The following RTEL1 variants were observed in gnomAD, a reference collection of about 807,000 sequenced individuals.
The protein encoded by RTEL1 is regulator of telomere length.
Under a neutral mutation model 162.2 loss-of-function variants are expected in RTEL1, and 86 were observed. The observed-to-expected ratio is 0.53, with a 90% CI of 0.45 to 0.63. RTEL1 has a LOEUF of 0.63. RTEL1 is among the 30% of genes least tolerant of loss of function. The pLI, the probability that RTEL1 is intolerant of heterozygous loss-of-function variation, is 0.00. For synonymous variants in RTEL1, 958 were observed against 717.9 expected (o/e 1.33, Z -5.35); for missense variants, 1,941 against 1,750.2 (o/e 1.11, Z -1.95).
chr20:63,661,730 A>ATCTGGGGTG lies in RTEL1; in HGVS notation c.302-117_302-109dup. 1 of 974,190 alleles carries ATCTGGGGTG rather than the reference A, an allele frequency of 1.0e-6. No individual in the cohort carries two copies. Among genetic ancestry groups the ATCTGGGGTG allele is most frequent in the South Asian group, 1.4e-5 (1 of 69,938 alleles). The allele number at this position is 974,190 out of a possible 1,614,324, so 60.3% of individuals were successfully genotyped here. ...CTTCACCCATTTTTGATAAACCAGT[A>ATCTGGGGTG]TCTGGGGTGTCAGATTCTTGGCTGT... On this transcript the variant is annotated intron_variant, in intron 3 of 34. Transcript: ENST00000360203. The surrounding 1 kb of genome is among the most constrained non-coding windows in gnomAD (Gnocchi z 5.1).
chr20:63,678,601 T>TCCCACGAACAGCACACACACC (rs2090408215), intron 12 of RTEL1, among the ~76,000 whole-genome samples: 1 of 84,050 alleles, frequency 1.2e-5, no homozygotes, highest in African/African-American at 4.9e-5. Flanking sequence ...GCACACACAC[T>TCCCACGAACAGCACACACACC]CCCACGAACA....
chr20:63,694,407 A>C lies in RTEL1; in HGVS notation c.3028A>C (p.Thr1010Pro), dbSNP rs2145470968. The C allele has an allele frequency of 6.2e-7, 1 of 1,611,676 alleles. No individual in the cohort carries two copies. Among genetic ancestry groups the C allele is most frequent in the Non-Finnish European group, 8.5e-7 (1 of 1,179,530 alleles). The stretch of plus-strand genomic sequence containing the variant: ...GCCGGATCCCAAGCTGACCGTGTCC[A>C]CGGCTGCAGCCCAGCAGCTGGACCC... ...TAPDPKLTVS[T>P]AAAQQLDPQE... The change falls in exon 31 of 35, where the codon ACG (threonine) becomes CCG (proline). Residue 1010 changes from threonine (T) to proline (P), a missense_variant. Coordinates refer to ENST00000360203, the MANE Select transcript of RTEL1 (RefSeq NM_001283009.2).
At chr20:63,678,119 G>C in intron 10 of RTEL1, 26 bp from the exon 11 acceptor site, 1 of 1,614,116 alleles carries the variant, frequency 6.2e-7, no homozygotes, top group Non-Finnish European at 8.5e-7. Flanking sequence ...GATGCAGACT[G>C]CCTTTGCTGC....
chr20:63,694,686 G>C, intron 31 of RTEL1, 55 bp from the exon 32 acceptor site: 1 of 1,448,754 alleles, frequency 6.9e-7, no homozygotes, highest in Non-Finnish European at 9.3e-7. Flanking sequence ...CAGGGCGGTG[G>C]GACTCTCAGT....
rs979303111 is a variant in RTEL1, at chr20:63,692,807, G to A, written c.2655G>A (p.Glu885=). The A allele has an allele frequency of 2.5e-6, 4 of 1,609,774 alleles. No individual in the cohort carries two copies. The highest frequency in any genetic ancestry group is 2.5e-6 in the Non-Finnish European group (3 of 1,177,862). ...RKKIRLVSHP[E]EPVAGAQTDR... ...AGCCTCGGGCCTGTGTCCTGCAGGA[G>A]GAGCCCGTGGCTGGTGCACAGACGG... The change falls in exon 29 of 35, where the codon GAG becomes GAA. Residue 885 remains glutamate (E), a splice_region_variant and synonymous_variant. Coordinates refer to ENST00000360203, the MANE Select transcript of RTEL1 (RefSeq NM_001283009.2).
chr20:63,680,570 G>T, intron 13 of RTEL1, 94 bp from the exon 14 acceptor site: 2 of 1,364,914 alleles, frequency 1.5e-6, no homozygotes, highest in South Asian at 2.4e-5. Context: ...GAGCTTGGCA[G>T]TCGGGCTGAG....
At chr20:63,695,009 GT>G in intron 32 of RTEL1, 35 bp downstream of exon 32, 1 of 1,610,454 alleles carries the variant, frequency 6.2e-7, no homozygotes, top group Non-Finnish European at 8.5e-7. Context: ...AGCCGGTGGG[GT>G]GGGGGGCAGG....
At chr20:63,693,949 C>G (rs1162949163) in intron 30 of RTEL1, among the ~76,000 whole-genome samples, 2 of 151,564 alleles carry the variant, frequency 1.3e-5, no homozygotes, top group East Asian at 2.0e-4. Flanking sequence ...CCTGTCCTCC[C>G]TGTTTCTGCC....
intron 22 of RTEL1, 126 bp downstream of exon 22, chr20:63,689,258 T>C: frequency 1.0e-6 from 1 of 957,654 alleles, no homozygotes; most frequent in Non-Finnish European, 1.6e-6. Flanking sequence ...CGAGAGCGAC[T>C]GCTGGCCCTG....
chr20:63,677,155 T>C (rs1355142981), intron 10 of RTEL1, among the ~76,000 whole-genome samples: 2 of 152,200 alleles, frequency 1.3e-5, no homozygotes, highest in African/African-American at 4.8e-5. Flanking sequence ...AGACCTGGAA[T>C]CAGCCAAGTC....
rs182518802 is a variant in RTEL1 at position 63,695,008 on chromosome 20, G to C, written c.3343+34G>C. On this transcript the variant is annotated intron_variant, in intron 32 of 34. Coordinates refer to ENST00000360203, the MANE Select transcript of RTEL1 (RefSeq NM_001283009.2). ...CCCTGGCGTGGGGAACAGCCGGTGG[G>C]GTGGGGGGCAGGGGACAAAATGGGG... is the stretch of plus-strand genomic sequence containing the variant. The C allele has an allele frequency of 5.0e-3, 8,093 of 1,610,562 alleles. 39 individuals carry two copies. The highest frequency in any genetic ancestry group is 5.1e-3 in the Non-Finnish European group (5,988 of 1,178,440).
chr20:63,695,708 GGGAAAGGGCAGGCCCTTGTCCTGGT>G, intron 34 of RTEL1, 45 bp from the exon 35 acceptor site: 2 of 1,606,722 alleles, frequency 1.2e-6, no homozygotes, highest in Non-Finnish European at 1.7e-6. Context: ...TGGGCTGAGG[GGGAAAGGGCAGGCCCTTGTCCTGGT>G]GGCAACGCCT....
Position 63,691,777 on chromosome 20 carries a change from G to A in RTEL1, c.2592G>A (p.Glu864=). ...HSCSTLSLLS[E]KRPAEEPRGG... is the part of the protein sequence containing the mutation. Reference sequence around the variant, plus strand: ...GCTCCACCCTGTCCCTCCTGTCTGAGAAGAGGCCGGCAGAAGAACCGCGAG... The same window carrying A: ...GCTCCACCCTGTCCCTCCTGTCTGAAAAGAGGCCGGCAGAAGAACCGCGAG... Residue 864 remains glutamate, a synonymous_variant, in exon 28 of 35, where the codon GAG becomes GAA. Coordinates refer to ENST00000360203, the MANE Select transcript of RTEL1 (RefSeq NM_001283009.2). The A allele has an allele frequency of 6.2e-7, 1 of 1,612,518 alleles. No homozygotes were observed. The highest frequency in any genetic ancestry group is 1.3e-5 in the African/African-American group (1 of 75,020).
Position 63,695,212 on chromosome 20 carries a change from C to T in RTEL1, c.3490C>T (p.Pro1164Ser), listed in dbSNP as rs2090945152. ...AVPPVLTHRAPQPGPSRSEKT... is the reference protein window; with the variant it reads ...AVPPVLTHRASQPGPSRSEKT... ...GCCTCCTGTGCTTACCCACAGGGCT[C>T]CCCAACCAGGTAGGGCACCTGCCTG... The change falls in exon 33 of 35, where the codon CCC (proline) becomes TCC (serine). Residue 1164 changes from proline to serine, a missense_variant. By Grantham distance (74) the Pro-to-Ser change is moderately conservative (BLOSUM62 -1). Transcript: ENST00000360203. The T allele has an allele frequency of 1.9e-6, 3 of 1,611,792 alleles. No homozygotes were observed. Among genetic ancestry groups the T allele is most frequent in the South Asian group, 1.1e-5 (1 of 91,058 alleles).
intron 28 of RTEL1, 50 bp downstream of exon 28, chr20:63,691,887 G>A (rs1168683610): frequency 2.7e-6 from 4 of 1,505,606 alleles, no homozygotes; most frequent in Non-Finnish European, 3.7e-6. Flanking sequence ...ACACGCATGG[G>A]AACGCAGCCG....
Position 63,694,319 on chromosome 20 carries a change from G to C in RTEL1, c.2993-53G>C, listed in dbSNP as rs928736091. 9 of 966,028 alleles carry C rather than the reference G, an allele frequency of 9.3e-6. No individual in the cohort carries two copies. The African/African-American group carries it at 1.3e-4, about 14-fold the overall frequency. 59.8% of individuals were successfully genotyped at this position (966,028 alleles called of 1,614,324 possible). A position where few individuals can be genotyped will look rare whatever the true frequency, so the allele number is the denominator to read the frequency against. On this transcript the variant is annotated intron_variant, in intron 30 of 34. Transcript: ENST00000360203. Reference sequence around the variant, plus strand: ...AGCCAGCCCTGCCCCCCCACCCCAGGGAACTTTCCAGATGCTCTCGACCAG... The same window carrying C: ...AGCCAGCCCTGCCCCCCCACCCCAGCGAACTTTCCAGATGCTCTCGACCAG...
chr20:63,693,058 G>T lies in RTEL1; in HGVS notation c.2851+55G>T, dbSNP rs1041252714. Reference sequence around the variant, plus strand: ...TGAGGGCAGTGCTGCCGCCGCGTGTGGGGTGGGGGCCATCTGGGTCCAAGG... The same window carrying T: ...TGAGGGCAGTGCTGCCGCCGCGTGTTGGGTGGGGGCCATCTGGGTCCAAGG... On this transcript the variant is annotated intron_variant, in intron 29 of 34. Coordinates refer to ENST00000360203, the MANE Select transcript of RTEL1 (RefSeq NM_001283009.2). The T allele has an allele frequency of 1.9e-6, 3 of 1,609,702 alleles. No individual in the cohort carries two copies. In the Admixed American group the frequency reaches 5.0e-5, roughly 27 times the overall value.
chr20:63,662,221 T>G (rs1490895691), intron 4 of RTEL1, among the ~76,000 whole-genome samples: 1 of 152,114 alleles, frequency 6.6e-6, no homozygotes, highest in Non-Finnish European at 1.5e-5. Context: ...GTGCAGTAGG[T>G]CAGGGCTGGC....
rs2090630137 is a variant in RTEL1, at chr20:63,687,781, C to T, written c.1481+11C>T. The T allele has an allele frequency of 2.6e-6, 4 of 1,564,090 alleles. No homozygotes were observed. Among genetic ancestry groups the T allele is most frequent in the African/African-American group, 2.7e-5 (2 of 73,918 alleles). On this transcript the variant is annotated intron_variant, in intron 17 of 34. Transcript: ENST00000360203. Reference sequence around the variant, plus strand: ...TCTGGAGATGCAGATGTACGGGCCACCCCTGCCAGGGCCTGAGCACCGGTG... The same window carrying T: ...TCTGGAGATGCAGATGTACGGGCCATCCCTGCCAGGGCCTGAGCACCGGTG...
Sources: allele counts gnomAD v4.1 joint callset (sites outside exome capture counted in the v4.1 genomes callset), GRCh38; gene constraint gnomAD v4.1.1; non-coding constraint Gnocchi (gnomAD v3.1); transcripts MANE v1.5; gene names NCBI Gene and HGNC (gene_info 2026-07-23, HGNC 2026-07-21).